Variants in TAFA2 observed in about 807,000 individuals in gnomAD.
TAFA2 encodes chemokine-like protein TAFA-2.
TAFA2 carries 7 observed loss-of-function variants against 18.8 expected under a neutral mutation model. That is an observed-to-expected ratio of 0.37 (90% confidence interval 0.21 to 0.70). TAFA2 has a LOEUF of 0.70. TAFA2 is among the 30% of genes least tolerant of loss of function. TAFA2 has a pLI of 0.53. For missense variants in TAFA2, 122 were observed against 158.1 expected (o/e 0.77, Z 1.23); for synonymous variants, 60 against 54.2 (o/e 1.11, Z -0.47).
At position 61,835,829 on chromosome 12, in the gene TAFA2, G is replaced by A. The variant is rs116397020; in HGVS notation, c.106+31491C>T. 8.9e-3 allele frequency among the ~76,000 whole-genome samples: 1,350 copies of A among 151,630 alleles called. 26 individuals carry two copies. The highest frequency in any genetic ancestry group is 0.031 in the African/African-American group (1,276 of 41,396). ...CCTTCATTCAATAAATATTTGTTTC[G>A]TACCTATTTTGTGTTAGACTCTATT... On this transcript the variant is annotated intron_variant, in intron 2 of 4. Coordinates refer to ENST00000416284, the MANE Select transcript of TAFA2 (RefSeq NM_178539.5).
chr12:61,785,517 A>G (rs534773456), intron 2 of TAFA2, among the ~76,000 whole-genome samples: 46 of 151,674 alleles, frequency 3.0e-4, no homozygotes, highest in African/African-American at 1.0e-3. Flanking sequence ...TAGTTTTTCC[A>G]TGGAAGCAAT....
chr12:61,801,264 A>C (rs1433871544), intron 2 of TAFA2, among the ~76,000 whole-genome samples: 1 of 152,162 alleles, frequency 6.6e-6, no homozygotes, highest in Non-Finnish European at 1.5e-5. Context: ...AAATAAAAGA[A>C]AATTATTCTA....
At chr12:61,965,623 T>C (rs1046205520) in intron 1 of TAFA2, among the ~76,000 whole-genome samples, 2 of 151,930 alleles carry the variant, frequency 1.3e-5, no homozygotes, top group African/African-American at 4.8e-5. Flanking sequence ...TTTTAAACAC[T>C]AGACTCTGGG....
At chr12:61,991,947 T>C (rs1471587795) in intron 1 of TAFA2, among the ~76,000 whole-genome samples, 1 of 152,216 alleles carries the variant, frequency 6.6e-6, no homozygotes, top group African/African-American at 2.4e-5. Flanking sequence ...GCAAAACAGT[T>C]TTCAGTTCTT....
At chr12:61,964,572 C>T (rs953786874) in intron 1 of TAFA2, among the ~76,000 whole-genome samples, 2 of 151,776 alleles carry the variant, frequency 1.3e-5, no homozygotes, top group African/African-American at 4.8e-5. Context: ...CAGGCTCCCT[C>T]GATATGACAT....
chr12:62,179,102 T>C (rs1248561640), intron 1 of TAFA2, among the ~76,000 whole-genome samples: 1 of 152,240 alleles, frequency 6.6e-6, no homozygotes, highest in Non-Finnish European at 1.5e-5. Context: ...ATAGTTATTA[T>C]TTATGATTCT....
intron 4 of TAFA2, among the ~76,000 whole-genome samples, chr12:61,719,098 T>A (rs1165405743): frequency 6.6e-6 from 1 of 152,166 alleles, no homozygotes; most frequent in African/African-American, 2.4e-5. Context: ...GGGGGGGATC[T>A]AATCTAGCCA....
At chr12:62,111,152 C>T (rs1478565109) in intron 1 of TAFA2, among the ~76,000 whole-genome samples, 1 of 152,146 alleles carries the variant, frequency 6.6e-6, no homozygotes, top group Non-Finnish European at 1.5e-5. Flanking sequence ...CTAAATACTG[C>T]TTTAACTGTG....
chr12:62,214,689 G>GCA (rs767565508), intron 1 of TAFA2, among the ~76,000 whole-genome samples: 8 of 152,134 alleles, frequency 5.3e-5, no homozygotes, highest in Non-Finnish European at 8.8e-5. Context: ...ACACAGACAT[G>GCA]CACACACACA....
At chr12:61,967,867 G>T (rs1592519966) in intron 1 of TAFA2, among the ~76,000 whole-genome samples, 1 of 151,780 alleles carries the variant, frequency 6.6e-6, no homozygotes, top group Non-Finnish European at 1.5e-5. Flanking sequence ...AAGAAGATTA[G>T]AGTTAGTCCA....
rs71083986 is a variant in TAFA2 at position 62,202,821 on chromosome 12, C to CTTTTT, written c.-130+55937_-130+55941dup. On this transcript the variant is annotated intron_variant, in intron 1 of 5. Coordinates refer to the TAFA2 transcript ENST00000551619. The stretch of plus-strand genomic sequence containing the variant: ...TCAATTTACATGTAGCTGTGTGGTT[C>CTTTTT]TTTTTTTTTTTTTTTTTTTTTTTTT... Among the ~76,000 whole-genome samples, 48 of 61,634 alleles carry CTTTTT rather than the reference C, an allele frequency of 7.8e-4. 11 individuals are homozygous for CTTTTT. The East Asian group carries it at 0.012, about 16-fold the overall frequency. 40.4% of individuals were successfully genotyped at this position (61,634 alleles called of 152,430 possible).
At position 61,995,273 on chromosome 12, in the gene TAFA2, T is replaced by A. The variant is rs552775502; in HGVS notation, c.-1-127847A>T. Among the ~76,000 whole-genome samples the A allele has an allele frequency of 5.3e-5, 8 of 152,320 alleles. No homozygotes were observed. The South Asian group carries it at 1.7e-3, about 32-fold the overall frequency. On this transcript the variant is annotated intron_variant, in intron 1 of 4. Transcript: ENST00000416284. ...CAAATAACCTAAGTTATTTCCCATA[T>A]CAGAGCCTTTACGCTTCCTATACCC...
chr12:62,043,338 T>C (rs1426928294), intron 1 of TAFA2, among the ~76,000 whole-genome samples: 1 of 152,046 alleles, frequency 6.6e-6, no homozygotes, highest in Admixed American at 6.5e-5. Context: ...CTGGAAACCA[T>C]CATTCTCAGC....
intron 1 of TAFA2, among the ~76,000 whole-genome samples, chr12:61,911,176 T>C (rs1012971014): frequency 1.3e-5 from 2 of 152,112 alleles, no homozygotes; most frequent in Admixed American, 6.6e-5. Context: ...ATTCTACATT[T>C]TACCCCAAAA....
intron 2 of TAFA2, among the ~76,000 whole-genome samples, chr12:61,788,887 T>C (rs1256333025): frequency 6.6e-6 from 1 of 151,784 alleles, no homozygotes; most frequent in African/African-American, 2.4e-5. Flanking sequence ...TAACTGAATC[T>C]ATCAGTACTA....
intron 1 of TAFA2, among the ~76,000 whole-genome samples, chr12:61,935,382 T>C (rs1877720778): frequency 6.6e-6 from 1 of 152,170 alleles, no homozygotes; most frequent in Admixed American, 6.5e-5. Context: ...CAAAAGCCAC[T>C]AGACCAAATT....
intron 1 of TAFA2, among the ~76,000 whole-genome samples, chr12:61,934,912 T>A: frequency 6.6e-6 from 1 of 152,216 alleles, no homozygotes; most frequent in East Asian, 1.9e-4. Flanking sequence ...TAGTACTTTT[T>A]GAGAAATATT....
intron 1 of TAFA2, among the ~76,000 whole-genome samples, chr12:61,983,743 G>A (rs1355882687): frequency 6.6e-6 from 1 of 152,104 alleles, no homozygotes; most frequent in Non-Finnish European, 1.5e-5. Flanking sequence ...AGAAGTTGGT[G>A]CAATTTCCTT....
At chr12:62,229,847 TTTG>T (rs372113384) in intron 1 of TAFA2, among the ~76,000 whole-genome samples, 64 of 151,574 alleles carry the variant, frequency 4.2e-4, no homozygotes, top group Admixed American at 1.4e-3. Flanking sequence ...GTCCTGGATT[TTTG>T]TTGTTGTTGT....
Sources: gnomAD v4.1 joint callset for allele counts (sites outside exome capture counted in the v4.1 genomes callset) on GRCh38, gnomAD v4.1.1 for gene constraint, MANE v1.5 for transcripts, NCBI Gene and HGNC (gene_info 2026-07-23, HGNC 2026-07-21) for gene names.